The following ACTR3B variants were observed in gnomAD, a reference collection of about 807,000 sequenced individuals.
ACTR3B encodes actin related protein 3B.
In ACTR3B, 8 loss-of-function variants were observed where a neutral mutation model predicts 59.0. The ratio of observed to expected loss-of-function variants is 0.14; its 90% CI spans 0.08 to 0.24. The LOEUF is 0.24. ACTR3B is among the 10% of genes least tolerant of loss of function. The pLI is 1.00. For synonymous variants in ACTR3B, 148 were observed against 197.9 expected, an observed-to-expected ratio of 0.75 and a Z score of 2.12; for missense variants, 245 against 552.3, an observed-to-expected ratio of 0.44 and a Z score of 5.58.
intron 10 of ACTR3B, among the ~76,000 whole-genome samples, chr7:152,852,740 C>T (rs986504896): frequency 2.6e-5 from 4 of 152,070 alleles, no homozygotes; most frequent in Admixed American, 6.5e-5. Flanking sequence ...GGGCAGTGGG[C>T]GCAAGGAAGA....
At chr7:152,780,844 AT>A (rs142260998) in intron 1 of ACTR3B, among the ~76,000 whole-genome samples, 3,879 of 132,762 alleles carry the variant, frequency 0.029, 130 homozygotes, top group African/African-American at 0.079. Context: ...AACTTTTCAG[AT>A]TTTTTTTTTT....
At chr7:152,820,211 G>T in intron 6 of ACTR3B, 88 bp from the exon 7 acceptor site, 1 of 1,564,522 alleles carries the variant, frequency 6.4e-7, no homozygotes, top group Non-Finnish European at 8.7e-7. Flanking sequence ...GGCAGACAGG[G>T]AGGCTGAGGC....
chr7:152,773,942 T>G (rs2098130312), intron 1 of ACTR3B, among the ~76,000 whole-genome samples: 1 of 152,186 alleles, frequency 6.6e-6, no homozygotes, highest in Admixed American at 6.5e-5. Flanking sequence ...CACAGGTACC[T>G]GGGCACCAAC....
chr7:152,840,418 C>T (rs1257624525), intron 9 of ACTR3B, among the ~76,000 whole-genome samples: 5 of 152,202 alleles, frequency 3.3e-5, no homozygotes, highest in African/African-American at 9.6e-5. Flanking sequence ...GACCTGCGAG[C>T]GGCCTGGTGA....
intron 1 of ACTR3B, among the ~76,000 whole-genome samples, chr7:152,769,143 A>G (rs2098118272): frequency 6.6e-6 from 1 of 151,964 alleles, no homozygotes; most frequent in African/African-American, 2.4e-5. Flanking sequence ...GTGAGCCACC[A>G]TGTCTGGGCT....
intron 7 of ACTR3B, among the ~76,000 whole-genome samples, chr7:152,822,088 T>C (rs1441872166): frequency 6.6e-6 from 1 of 152,262 alleles, no homozygotes; most frequent in East Asian, 1.9e-4. Context: ...TTTGAGGTTG[T>C]AATCAGCTGA....
intron 1 of ACTR3B, among the ~76,000 whole-genome samples, chr7:152,778,352 C>T (rs1157178347): frequency 2.6e-5 from 4 of 151,458 alleles, no homozygotes; most frequent in South Asian, 2.1e-4. Flanking sequence ...TCTTGTGCCT[C>T]GGCCTCCTGA....
intron 1 of ACTR3B, among the ~76,000 whole-genome samples, chr7:152,765,127 T>C (rs145043063): frequency 2.4e-5 from 3 of 122,622 alleles, no homozygotes; most frequent in East Asian, 4.3e-4. Flanking sequence ...TTTTTTTTTT[T>C]TTTTCCGGAG....
chr7:152,781,073 C>G (rs1347653313), intron 1 of ACTR3B, among the ~76,000 whole-genome samples: 1 of 151,402 alleles, frequency 6.6e-6, no homozygotes, highest in Non-Finnish European at 1.5e-5. Context: ...AGTGTGGTGC[C>G]AAAGTGCATG....
chr7:152,803,961 C>T (rs1356636945), intron 4 of ACTR3B, among the ~76,000 whole-genome samples: 3 of 152,022 alleles, frequency 2.0e-5, no homozygotes, highest in Admixed American at 6.5e-5. Flanking sequence ...GGGAGTGAAC[C>T]AGGTGGAAAG....
intron 2 of ACTR3B, among the ~76,000 whole-genome samples, chr7:152,795,378 C>T (rs563359513): frequency 1.4e-4 from 21 of 152,146 alleles, no homozygotes; most frequent in Non-Finnish European, 2.8e-4. Flanking sequence ...TGTTGTTATT[C>T]TTCATTTGTA....
intron 4 of ACTR3B, chr7:152,810,725 A>G (rs545830967): frequency 3.3e-5 from 5 of 152,122 alleles, no homozygotes; most frequent in African/African-American, 1.2e-4. Context: ...AACATCGTGA[A>G]ACCCTGTCTC....
intron 10 of ACTR3B, 37 bp downstream of exon 10, chr7:152,852,288 A>G (rs1798870376): frequency 1.3e-6 from 2 of 1,516,422 alleles, no homozygotes; most frequent in African/African-American, 2.8e-5. Flanking sequence ...GCCTGGGGCT[A>G]TTGCCCCAGG....
intron 1 of ACTR3B, among the ~76,000 whole-genome samples, chr7:152,770,309 G>A (rs1354954656): frequency 2.0e-5 from 3 of 152,194 alleles, no homozygotes; most frequent in African/African-American, 7.2e-5. Context: ...ATCTCTGGCT[G>A]GTTGCAGGTG....
intron 4 of ACTR3B, chr7:152,813,410 T>C (rs1363121151): frequency 2.0e-5 from 3 of 152,226 alleles, no homozygotes; most frequent in Non-Finnish European, 4.4e-5. Context: ...GTTTCTGTTG[T>C]CTGTCATTTT....
intron 1 of ACTR3B, among the ~76,000 whole-genome samples, chr7:152,763,942 G>T (rs1157318952): frequency 6.6e-6 from 1 of 152,046 alleles, no homozygotes; most frequent in Non-Finnish European, 1.5e-5. Context: ...GTTATCTATT[G>T]CTTAAATTGT....
intron 4 of ACTR3B, chr7:152,813,491 G>C (rs1304491168): frequency 6.6e-6 from 1 of 151,916 alleles, no homozygotes; most frequent in Non-Finnish European, 1.5e-5. Flanking sequence ...GGAAATTCTT[G>C]GCAATTTTTA....
chr7:152,805,679 T>G (rs1012567646), intron 4 of ACTR3B, among the ~76,000 whole-genome samples: 3 of 152,122 alleles, frequency 2.0e-5, no homozygotes, highest in African/African-American at 7.2e-5. Context: ...TGGTTAGACC[T>G]GCCTTGTGCA....
chr7:152,845,729 A>T (rs1431506228), intron 9 of ACTR3B, among the ~76,000 whole-genome samples: 1 of 152,184 alleles, frequency 6.6e-6, no homozygotes, highest in African/African-American at 2.4e-5. Context: ...CGCTCAGGAA[A>T]AGTGGAGTAC....
Sources: allele counts gnomAD v4.1 joint callset (sites outside exome capture counted in the v4.1 genomes callset), GRCh38; gene constraint gnomAD v4.1.1; transcripts MANE v1.5; gene names NCBI Gene and HGNC (gene_info 2026-07-23, HGNC 2026-07-21).